The following GREB1 variants were observed in gnomAD, a reference collection of about 807,000 sequenced individuals.
GREB1 encodes the protein growth regulating estrogen receptor binding 1.
GREB1 carries 106 observed loss-of-function variants against 200.7 expected under a neutral mutation model. That is an observed-to-expected ratio of 0.53 (90% CI 0.45 to 0.62). The LOEUF is 0.62. Among genes scored for constraint, GREB1 ranks in the 20% least tolerant of loss-of-function variants. The pLI is 0.00. For missense variants in GREB1, 2,243 were observed against 2,556.8 expected (o/e 0.88, Z 2.65); for synonymous variants, 1,132 against 1,092.4 (o/e 1.04, Z -0.72).
At position 11,618,310 on chromosome 2, in the gene GREB1, C is replaced by G; in HGVS notation, c.3435C>G (p.Ser1145=). The change falls in exon 22 of 33, where the codon TCC becomes TCG. Residue 1145 remains serine, a synonymous_variant. Coordinates refer to ENST00000381486, the MANE Select transcript of GREB1 (RefSeq NM_014668.4). ...CAGGTTCAGCGCTCGGTGGCGAGTCCTCGGCTCAGCCCACAGCACTCCCCC... is the reference window on the plus strand; with the variant it reads ...CAGGTTCAGCGCTCGGTGGCGAGTCGTCGGCTCAGCCCACAGCACTCCCCC... The part of the protein sequence containing the change: ...KASGSALGGE[S]SAQPTALPQG... 1 of 1,574,306 alleles carries G rather than the reference C, an allele frequency of 6.4e-7. No individual in the cohort carries two copies. Among genetic ancestry groups the G allele is most frequent in the Non-Finnish European group, 8.6e-7 (1 of 1,158,988 alleles).
In GREB1 at chr2:11,626,998, T is replaced by A. The variant is rs746956820; in HGVS notation, c.4343T>A (p.Val1448Glu). 1 of 1,614,106 alleles carries A rather than the reference T, an allele frequency of 6.2e-7. No homozygotes were observed. The highest frequency in any genetic ancestry group is 2.2e-5 in the East Asian group (1 of 44,888). Reference sequence around the variant, plus strand: ...TCCCGGAAGCCGGAGGACCTTTATGTGCGGCGTCAGACGGCACGGATGAGA... The same window carrying A: ...TCCCGGAAGCCGGAGGACCTTTATGAGCGGCGTCAGACGGCACGGATGAGA... Reference protein sequence around the residue: ...GMSRKPEDLYVRRQTARMRLS... With the variant: ...GMSRKPEDLYERRQTARMRLS... The change falls in exon 25 of 33, where the codon GTG (valine) becomes GAG (glutamate). Residue 1448 changes from valine (V) to glutamate (E), a missense_variant. Physicochemically the swap from Val to Glu is moderately radical, Grantham distance 121 (BLOSUM62 -2). Coordinates refer to ENST00000381486, the MANE Select transcript of GREB1 (RefSeq NM_014668.4).
Position 11,633,151 on chromosome 2 carries a change from C to A in GREB1, c.4991+88C>A. 1 of 1,302,350 alleles carries A rather than the reference C, an allele frequency of 7.7e-7. No individual in the cohort carries two copies. The highest frequency in any genetic ancestry group is 1.1e-6 in the Non-Finnish European group (1 of 912,306). 80.7% of individuals were successfully genotyped at this position (1,302,350 alleles called of 1,614,324 possible). A position where few individuals can be genotyped will look rare whatever the true frequency, so the allele number is the denominator to read the frequency against. On this transcript the variant is annotated intron_variant, in intron 28 of 32. Coordinates refer to ENST00000381486, the MANE Select transcript of GREB1 (RefSeq NM_014668.4). The surrounding 1 kb of genome is among the most constrained non-coding windows in gnomAD (Gnocchi z 4.1). ...TCTTTGTATGGGGAATGTGCCCACC[C>A]CTGGAAGACCGGAGGGCCTCTCATA...
At chr2:11,625,998 A>C (rs941453754) in intron 24 of GREB1, among the ~76,000 whole-genome samples, 1 of 152,140 alleles carries the variant, frequency 6.6e-6, no homozygotes, top group Non-Finnish European at 1.5e-5. Context: ...AAACCATTGC[A>C]TCTCGTGAAA....
At chr2:11,617,450 C>T (rs1394466326) in intron 21 of GREB1, among the ~76,000 whole-genome samples, 3 of 152,272 alleles carry the variant, frequency 2.0e-5, no homozygotes, top group African/African-American at 7.2e-5. Context: ...GGAACGAACT[C>T]ATTGTTCTCA....
chr2:11,585,236 G>C lies in GREB1; in HGVS notation c.977G>C (p.Gly326Ala), dbSNP rs1474446092. 29 of 1,575,334 alleles carry C rather than the reference G, an allele frequency of 1.8e-5. No homozygotes were observed. The highest frequency in any genetic ancestry group is 2.5e-5 in the Non-Finnish European group (29 of 1,163,372). ...WSPESPSAPD[G>A]GCPQGGGNRA... ...CCAGAATCTCCATCAGCTCCAGATG[G>C]TGGCTGCCCCCAAGGTGGTGGGAAC... Residue 326 changes from glycine to alanine, a missense_variant, in exon 8 of 33, where the codon GGT (glycine) becomes GCT (alanine). Around this residue, in one of 3 missense-constraint regions of GREB1, gnomAD observed 1,178 missense variants for 1,387.4 expected, o/e 0.85. Transcript: ENST00000381486.
At chr2:11,516,589 C>T (rs1195508976) in intron 1 of GREB1, among the ~76,000 whole-genome samples, 8 of 152,158 alleles carry the variant, frequency 5.3e-5, no homozygotes, top group South Asian at 2.1e-4. Flanking sequence ...CTGTAGTTGA[C>T]GTAGGAGTCA....
At chr2:11,554,395 A>G (rs1162316079) in intron 1 of GREB1, among the ~76,000 whole-genome samples, 4 of 152,098 alleles carry the variant, frequency 2.6e-5, no homozygotes, top group African/African-American at 9.7e-5. Context: ...AATCAACGTG[A>G]CTCTACCAGT....
intron 11 of GREB1, among the ~76,000 whole-genome samples, chr2:11,593,345 G>A (rs1174650526): frequency 6.6e-6 from 1 of 152,206 alleles, no homozygotes. Flanking sequence ...GGTTAGCCCT[G>A]GGGTCAGCTT....
chr2:11,624,494 G>A (rs1358839636), intron 23 of GREB1, among the ~76,000 whole-genome samples: 5 of 151,904 alleles, frequency 3.3e-5, no homozygotes, highest in Non-Finnish European at 5.9e-5. Context: ...ACAGGTGCCC[G>A]CCACCATGCC....
At chr2:11,608,295 A>C (rs1682593712) in intron 17 of GREB1, among the ~76,000 whole-genome samples, 1 of 152,200 alleles carries the variant, frequency 6.6e-6, no homozygotes, top group Non-Finnish European at 1.5e-5. Context: ...TAGATTTTTA[A>C]CCATATAGAA....
At position 11,566,616 on chromosome 2, in the gene GREB1, G is replaced by C. The variant is rs1414426303; in HGVS notation, c.414G>C (p.Lys138Asn). ...ATCTCCTGGTGTGCGCCGTTGACAA[G>C]AGGTTCTTGCCAGATGACAATGGCC... The part of the protein sequence containing the change: ...PDHLLVCAVD[K>N]RFLPDDNGHN... Residue 138 changes from lysine to asparagine, a missense_variant, in exon 4 of 33, where the codon AAG becomes AAC. Coordinates refer to ENST00000381486, the MANE Select transcript of GREB1 (RefSeq NM_014668.4). 2 of 1,614,062 alleles carry C rather than the reference G, an allele frequency of 1.2e-6. No homozygotes were observed. Among genetic ancestry groups the C allele is most frequent in the Non-Finnish European group, 8.5e-7 (1 of 1,179,982 alleles).
rs1168044991 is a variant in GREB1 at position 11,596,153 on chromosome 2, A to G, written c.1868A>G (p.Asn623Ser). ...DILLDKFHQE[N>S]QGHISSSLAA... ...TTGCTGGACAAATTTCACCAGGAAAATCAAGGCCATATTTCTTCCTCACTC... is the reference window on the plus strand; with the variant it reads ...TTGCTGGACAAATTTCACCAGGAAAGTCAAGGCCATATTTCTTCCTCACTC... Residue 623 changes from asparagine (N) to serine (S), a missense_variant, in exon 13 of 33, where the codon AAT (asparagine) becomes AGT (serine). Physicochemically the swap from Asn to Ser is conservative, Grantham distance 46. Coordinates refer to ENST00000381486, the MANE Select transcript of GREB1 (RefSeq NM_014668.4). The G allele has an allele frequency of 6.2e-7, 1 of 1,613,610 alleles. No homozygotes were observed. The highest frequency in any genetic ancestry group is 2.2e-5 in the East Asian group (1 of 44,888).
At chr2:11,546,664 C>T (rs990329051) in intron 1 of GREB1, among the ~76,000 whole-genome samples, 1 of 152,142 alleles carries the variant, frequency 6.6e-6, no homozygotes, top group Non-Finnish European at 1.5e-5. Flanking sequence ...TAGGTAGAAC[C>T]TGTTCTTGAA....
In GREB1 at chr2:11,614,212, C is replaced by T. The variant is rs377184592; in HGVS notation, c.3123-879C>T. Among the ~76,000 whole-genome samples, 39 of 151,152 alleles carry T rather than the reference C, an allele frequency of 2.6e-4. No individual in the cohort carries two copies. In the South Asian group the frequency reaches 6.9e-3, roughly 27 times the overall value. ...TGCAATCTCAACTCACTGCAGACTC[C>T]GCCTCCTGGGTTCAAGTGATTCTCC... On this transcript the variant is annotated intron_variant, in intron 19 of 32. Transcript: ENST00000381486.
intron 24 of GREB1, 96 bp from the exon 25 acceptor site, chr2:11,626,866 T>C: frequency 7.9e-7 from 1 of 1,269,186 alleles, no homozygotes; most frequent in East Asian, 2.3e-5. Flanking sequence ...TCCTGTTGTC[T>C]GGTCATTTGA....
Position 11,556,560 on chromosome 2 carries a change from C to T in GREB1, c.-55C>T, listed in dbSNP as rs1676452176. The stretch of plus-strand genomic sequence containing the variant: ...ACCTTCTACCTTGCGTGGAGCCAGG[C>T]TTTTGCACCGAATCTGAGATGCCAT... On this transcript the variant is annotated 5_prime_UTR_variant, in exon 2 of 33. Coordinates refer to ENST00000381486, the MANE Select transcript of GREB1 (RefSeq NM_014668.4). 2.7e-6 allele frequency: 4 copies of T among 1,473,360 alleles called. No homozygotes were observed. Among genetic ancestry groups the T allele is most frequent in the East Asian group, 2.3e-5 (1 of 42,590 alleles). 91.3% of individuals were successfully genotyped at this position (1,473,360 alleles called of 1,614,324 possible). A position where few individuals can be genotyped will look rare whatever the true frequency, so the allele number is the denominator to read the frequency against.
intron 1 of GREB1, among the ~76,000 whole-genome samples, chr2:11,501,127 C>T (rs901558206): frequency 6.6e-6 from 1 of 152,170 alleles, no homozygotes; most frequent in Non-Finnish European, 1.5e-5. Flanking sequence ...CCCATGGGAC[C>T]TGAACTGAGT....
intron 15 of GREB1, among the ~76,000 whole-genome samples, chr2:11,599,690 T>G (rs1348313241): frequency 6.6e-6 from 1 of 151,936 alleles, no homozygotes; most frequent in Non-Finnish European, 1.5e-5. Context: ...CTGGCTAATT[T>G]TTTGTATTTT....
intron 25 of GREB1, among the ~76,000 whole-genome samples, chr2:11,627,611 G>A (rs1684574337): frequency 6.6e-6 from 1 of 152,232 alleles, no homozygotes; most frequent in African/African-American, 2.4e-5. Context: ...GCCAGGCAAT[G>A]TGCCTAGGCA....
Sources: allele counts gnomAD v4.1 joint callset (sites outside exome capture counted in the v4.1 genomes callset), GRCh38; gene constraint gnomAD v4.1.1; regional missense constraint gnomAD v4.1.1; non-coding constraint Gnocchi (gnomAD v3.1); transcripts MANE v1.5; gene names NCBI Gene and HGNC (gene_info 2026-07-23, HGNC 2026-07-21).